MAPK6: variants seen among roughly 807,000 people sequenced by gnomAD.
MAPK6 encodes mitogen-activated protein kinase 6, also known as ERK-3.
In MAPK6, 19 loss-of-function variants were observed where a neutral mutation model predicts 59.3. The observed-to-expected ratio is 0.32, with a 90% CI of 0.22 to 0.47. The LOEUF (loss-of-function observed/expected upper bound fraction) is 0.47. Among genes scored for constraint, MAPK6 ranks in the 20% least tolerant of loss-of-function variants. The pLI, the probability that MAPK6 is intolerant of heterozygous loss-of-function variation, is 1.00. For synonymous variants in MAPK6, 316 were observed against 290.3 expected (o/e 1.09, Z -0.90); for missense variants, 724 against 847.9 (o/e 0.85, Z 1.81).
At chr15:52,054,369 G>C (rs1310903963) in intron 3 of MAPK6, among the ~76,000 whole-genome samples, 1 of 151,478 alleles carries the variant, frequency 6.6e-6, no homozygotes, top group African/African-American at 2.4e-5. Flanking sequence ...CTCTGTATTG[G>C]GGGTGGGTGG....
In MAPK6 at chr15:52,065,788, C is replaced by G. The variant is rs765683272; in HGVS notation, c.*788C>G. 6.6e-6 allele frequency: 1 copy of G among 152,570 alleles called. No individual in the cohort carries two copies. The highest frequency in any genetic ancestry group is 1.5e-5 in the Non-Finnish European group (1 of 68,026). 9.5% of individuals were successfully genotyped at this position (152,570 alleles called of 1,614,324 possible). ...GCACTATGGTTTGTTGCCTACCTAG[C>G]TGCATCTATAATGTCAGCTTATCCT... On this transcript the variant is annotated 3_prime_UTR_variant, in exon 6 of 6. Transcript: ENST00000261845.
intron 1 of MAPK6, among the ~76,000 whole-genome samples, chr15:52,029,018 A>G (rs911779157): frequency 2.0e-5 from 3 of 152,030 alleles, no homozygotes; most frequent in Non-Finnish European, 4.4e-5. Flanking sequence ...TTTTCCTTCT[A>G]CTTTACACCT....
intron 2 of MAPK6, among the ~76,000 whole-genome samples, chr15:51,988,055 A>T (rs2057196691): frequency 1.3e-5 from 2 of 152,100 alleles, no homozygotes; most frequent in African/African-American, 4.8e-5. Flanking sequence ...CGTGTGGCTC[A>T]TAGTACTATG....
At chr15:51,991,148 TAC>T (rs933912695) in intron 2 of MAPK6, among the ~76,000 whole-genome samples, 1,717 of 140,656 alleles carry the variant, frequency 0.012, 11 homozygotes, top group African/African-American at 0.02. Context: ...TATATATATA[TAC>T]ACACACACAC....
chr15:52,005,002 T>C (rs1368363950), intron 3 of MAPK6, among the ~76,000 whole-genome samples: 1 of 152,198 alleles, frequency 6.6e-6, no homozygotes, highest in African/African-American at 2.4e-5. Flanking sequence ...AGCAACATGC[T>C]TGAGCATGCC....
chr15:52,017,629 GGTCTCCCTTACTATT>G (rs1438834521), upstream of MAPK6: 1 of 152,284 alleles, frequency 6.6e-6, no homozygotes, highest in Non-Finnish European at 1.5e-5. Flanking sequence ...TCAATTTAGT[GGTCTCCCTTACTATT>G]GTAAGCCAAC....
chr15:52,023,778 A>C (rs2030643064), intron 1 of MAPK6, among the ~76,000 whole-genome samples: 2 of 152,048 alleles, frequency 1.3e-5, no homozygotes, highest in South Asian at 4.1e-4. Flanking sequence ...TGACCAGCTA[A>C]TTTTTGTATT....
intron 2 of MAPK6, among the ~76,000 whole-genome samples, chr15:52,001,528 A>G (rs1050397735): frequency 4.5e-5 from 3 of 66,164 alleles, no homozygotes; most frequent in African/African-American, 2.3e-4. Flanking sequence ...TTTTTTTTTC[A>G]GATGGAGTCC....
chr15:52,054,593 T>G (rs1388751817), intron 3 of MAPK6, among the ~76,000 whole-genome samples: 1 of 152,148 alleles, frequency 6.6e-6, no homozygotes, highest in Non-Finnish European at 1.5e-5. Context: ...AGTCACTAAG[T>G]ACGCTTCATG....
intron 3 of MAPK6, among the ~76,000 whole-genome samples, chr15:52,054,595 C>G (rs575444402): frequency 1.3e-5 from 2 of 152,044 alleles, no homozygotes; most frequent in South Asian, 4.2e-4. Context: ...TCACTAAGTA[C>G]GCTTCATGGT....
chr15:52,062,288 C>G (rs1346566010), intron 5 of MAPK6, among the ~76,000 whole-genome samples: 1 of 151,874 alleles, frequency 6.6e-6, no homozygotes, highest in Non-Finnish European at 1.5e-5. Flanking sequence ...TGGCCTCCCA[C>G]AGTGCTGAAA....
upstream of MAPK6, chr15:52,019,095 C>G (rs1202127666): frequency 6.6e-6 from 1 of 152,270 alleles, no homozygotes; most frequent in Non-Finnish European, 1.5e-5. Flanking sequence ...GCGGCGCGCG[C>G]AGCCCAGTCA....
intron 3 of MAPK6, among the ~76,000 whole-genome samples, chr15:52,006,797 A>T (rs1478469692): frequency 2.6e-5 from 4 of 152,082 alleles, no homozygotes; most frequent in African/African-American, 7.2e-5. Context: ...AGCGTCATTA[A>T]CATTTAGTTG....
At chr15:52,014,703 T>TA (rs796259080), upstream of MAPK6, among the ~76,000 whole-genome samples, 5,259 of 119,370 alleles carry the variant, frequency 0.044, 150 homozygotes, top group Non-Finnish European at 0.059. Context: ...TGAGATTTTC[T>TA]AAAAAAAAAA....
At chr15:51,987,832 C>A (rs924119499) in intron 2 of MAPK6, among the ~76,000 whole-genome samples, 1 of 138,330 alleles carries the variant, frequency 7.2e-6, no homozygotes, top group Admixed American at 7.9e-5. Flanking sequence ...ATGGTGCGAT[C>A]TTGGCTCACT....
At chr15:52,062,750 G>A (rs2032253335) in intron 5 of MAPK6, among the ~76,000 whole-genome samples, 1 of 152,156 alleles carries the variant, frequency 6.6e-6, no homozygotes, top group South Asian at 2.1e-4. Flanking sequence ...GGGCGACAGA[G>A]CAAGACTCCG....
chr15:52,057,645 A>C (rs1212655359), intron 3 of MAPK6, among the ~76,000 whole-genome samples: 1 of 152,092 alleles, frequency 6.6e-6, no homozygotes, highest in Non-Finnish European at 1.5e-5. Flanking sequence ...CCAGGGTCCA[A>C]GCAATTCTTG....
At chr15:52,052,731 C>A (rs150739191) in intron 3 of MAPK6, among the ~76,000 whole-genome samples, 73 of 152,198 alleles carry the variant, frequency 4.8e-4, no homozygotes, top group African/African-American at 1.7e-3. Context: ...TACTTTTTTC[C>A]TTTTTACGGG....
chr15:52,016,068 GCGCACACACA>G (rs1397332638), upstream of MAPK6, among the ~76,000 whole-genome samples: 13 of 35,676 alleles, frequency 3.6e-4, no homozygotes, highest in East Asian at 6.5e-3. Flanking sequence ...GCGCGCGCGC[GCGCACACACA>G]CACACACACA....
Sources: gnomAD v4.1 joint callset for allele counts (sites outside exome capture counted in the v4.1 genomes callset) on GRCh38, gnomAD v4.1.1 for gene constraint, MANE v1.5 for transcripts, NCBI Gene and HGNC (gene_info 2026-07-23, HGNC 2026-07-21) for gene names.